SGCZ: variants seen among roughly 807,000 people sequenced by gnomAD.
SGCZ encodes the protein zeta-sarcoglycan.
SGCZ carries 40 observed loss-of-function variants against 41.3 expected under a neutral mutation model. The ratio of observed to expected loss-of-function variants is 0.97; its 90% confidence interval spans 0.75 to 1.26. SGCZ has a LOEUF of 1.26. SGCZ is among the 50% of genes most tolerant of loss of function. The pLI, the probability that SGCZ is intolerant of heterozygous loss-of-function variation, is 0.00. For synonymous variants in SGCZ, 206 were observed against 137.5 expected (o/e 1.50, Z -3.49); for missense variants, 552 against 369.8 (o/e 1.49, Z -4.04).
chr8:15,106,016 G>T (rs1462789788), intron 1 of SGCZ, among the ~76,000 whole-genome samples: 1 of 152,008 alleles, frequency 6.6e-6, no homozygotes, highest in Non-Finnish European at 1.5e-5. Context: ...GACTAGTTCT[G>T]GTTTTACTTC....
chr8:15,191,820 A>G (rs1326356950), intron 1 of SGCZ, among the ~76,000 whole-genome samples: 1 of 152,074 alleles, frequency 6.6e-6, no homozygotes, highest in Non-Finnish European at 1.5e-5. Flanking sequence ...TACCTATTTA[A>G]TTATACAAAA....
chr8:15,073,580 T>C (rs1445573553), intron 1 of SGCZ, among the ~76,000 whole-genome samples: 4 of 152,124 alleles, frequency 2.6e-5, no homozygotes, highest in Non-Finnish European at 5.9e-5. Context: ...TCTGTAAATA[T>C]CCAGGAAAGC....
chr8:14,977,141 A>T (rs1801503743), intron 1 of SGCZ, among the ~76,000 whole-genome samples: 1 of 152,170 alleles, frequency 6.6e-6, no homozygotes. Context: ...TCCCTGACAG[A>T]CTGGTATACA....
At chr8:14,147,729 C>T (rs1803571077) in intron 5 of SGCZ, among the ~76,000 whole-genome samples, 1 of 152,092 alleles carries the variant, frequency 6.6e-6, no homozygotes. Flanking sequence ...ATTTATAGAA[C>T]ATTTCATAAA....
At chr8:14,936,831 A>C (rs2130813829) in intron 1 of SGCZ, among the ~76,000 whole-genome samples, 1 of 152,038 alleles carries the variant, frequency 6.6e-6, no homozygotes, top group Non-Finnish European at 1.5e-5. Context: ...ATCAAGATAA[A>C]AATAAAATCT....
At chr8:14,549,646 G>T (rs148257349) in intron 2 of SGCZ, among the ~76,000 whole-genome samples, 1 of 152,032 alleles carries the variant, frequency 6.6e-6, no homozygotes, top group Non-Finnish European at 1.5e-5. Context: ...ATGCGGGGAC[G>T]TTGATAGAGG....
chr8:15,224,186 G>C (rs1294580124), intron 1 of SGCZ, among the ~76,000 whole-genome samples: 1 of 152,042 alleles, frequency 6.6e-6, no homozygotes, highest in African/African-American at 2.4e-5. Context: ...CAGTATGGTA[G>C]TTCTTACATA....
chr8:15,028,779 C>G (rs548464198), intron 1 of SGCZ, among the ~76,000 whole-genome samples: 1 of 152,140 alleles, frequency 6.6e-6, no homozygotes, highest in South Asian at 2.1e-4. Flanking sequence ...ATCTTCCTAT[C>G]TAACTCAAAG....
At chr8:14,226,371 T>C (rs910004027) in intron 4 of SGCZ, among the ~76,000 whole-genome samples, 8 of 152,032 alleles carry the variant, frequency 5.3e-5, no homozygotes, top group Non-Finnish European at 1.0e-4. Context: ...AAAACTCTCT[T>C]GTGCTATCGC....
intron 2 of SGCZ, among the ~76,000 whole-genome samples, chr8:14,521,764 A>G (rs921219937): frequency 6.6e-6 from 1 of 152,118 alleles, no homozygotes; most frequent in Admixed American, 6.6e-5. Context: ...TTACATTGCC[A>G]CCAATACTCC....
At chr8:14,921,879 G>C (rs950590257) in intron 1 of SGCZ, among the ~76,000 whole-genome samples, 4 of 152,156 alleles carry the variant, frequency 2.6e-5, no homozygotes, top group Admixed American at 2.6e-4. Flanking sequence ...GAAAATAAAA[G>C]TGAAATGGTG....
chr8:14,633,363 AT>A lies in SGCZ; in HGVS notation c.40-78438del, dbSNP rs753404990. 5.9e-5 allele frequency among the ~76,000 whole-genome samples: 9 copies of A among 152,074 alleles called. No homozygotes were observed. The South Asian group carries it at 1.0e-3, about 18-fold the overall frequency. On this transcript the variant is annotated intron_variant, in intron 1 of 7. Transcript: ENST00000382080. Reference sequence around the variant, plus strand: ...GGAAGTCACTTGCTGCCCTGATGAAATTTAGTTTCCTTTCTCTAAAATAGAC... The same window carrying A: ...GGAAGTCACTTGCTGCCCTGATGAAATTAGTTTCCTTTCTCTAAAATAGAC...
intron 1 of SGCZ, among the ~76,000 whole-genome samples, chr8:15,117,567 T>A (rs1338698510): frequency 1.3e-5 from 2 of 152,158 alleles, no homozygotes; most frequent in African/African-American, 2.4e-5. Context: ...TCATAACTTC[T>A]GAGCTCCTAT....
chr8:14,489,866 C>CAT lies in SGCZ; in HGVS notation c.234+64865_234+64866insAT, dbSNP rs142314868. 8.7e-4 allele frequency among the ~76,000 whole-genome samples: 119 copies of CAT among 137,536 alleles called. 3 individuals carry two copies. The highest frequency in any genetic ancestry group is 1.1e-3 in the Admixed American group (14 of 13,120). The allele number at this position is 137,536 out of a possible 152,430, so 90.2% of individuals were successfully genotyped here. On this transcript the variant is annotated intron_variant, in intron 2 of 7. Transcript: ENST00000382080. Reference sequence around the variant, plus strand: ...ACTGGCTCGCCGAAAAATTCTCCTACCTTTTTTTTTTTTTTCCTGAGATGG... The same window carrying CAT: ...ACTGGCTCGCCGAAAAATTCTCCTACATCTTTTTTTTTTTTTTCCTGAGATGG...
intron 1 of SGCZ, among the ~76,000 whole-genome samples, chr8:14,754,522 C>A (rs1383502160): frequency 1.3e-5 from 2 of 152,144 alleles, no homozygotes; most frequent in Non-Finnish European, 2.9e-5. Flanking sequence ...ATGAAAGCAA[C>A]TTTCATTTAC....
intron 1 of SGCZ, among the ~76,000 whole-genome samples, chr8:14,566,273 C>G (rs571812123): frequency 6.6e-6 from 1 of 152,024 alleles, no homozygotes; most frequent in Non-Finnish European, 1.5e-5. Flanking sequence ...AAGATAAGCC[C>G]GAATATTGAT....
intron 1 of SGCZ, among the ~76,000 whole-genome samples, chr8:14,832,673 C>T (rs1395854320): frequency 6.6e-6 from 1 of 152,100 alleles, no homozygotes; most frequent in African/African-American, 2.4e-5. Context: ...TCTTTGTTAT[C>T]AGGGCCAGAG....
chr8:14,941,531 A>C (rs1800275026), intron 1 of SGCZ, among the ~76,000 whole-genome samples: 1 of 152,134 alleles, frequency 6.6e-6, no homozygotes, highest in Non-Finnish European at 1.5e-5. Flanking sequence ...AATCCCCTAC[A>C]CAATATGTAG....
At chr8:15,082,780 G>C (rs888130578) in intron 1 of SGCZ, among the ~76,000 whole-genome samples, 4 of 151,932 alleles carry the variant, frequency 2.6e-5, no homozygotes, top group African/African-American at 9.7e-5. Context: ...ACCATTAATG[G>C]AGCTATAATT....
Sources: allele counts gnomAD v4.1 joint callset (sites outside exome capture counted in the v4.1 genomes callset), GRCh38; gene constraint gnomAD v4.1.1; transcripts MANE v1.5; gene names NCBI Gene and HGNC (gene_info 2026-07-23, HGNC 2026-07-21).